HSD17B4: variants seen among roughly 807,000 people sequenced by gnomAD.
HSD17B4 encodes hydroxysteroid 17-beta dehydrogenase 4.
In HSD17B4, 70 loss-of-function variants were observed where a neutral mutation model predicts 101.0. The ratio of observed to expected loss-of-function variants is 0.69; its 90% CI spans 0.57 to 0.85. The LOEUF (loss-of-function observed/expected upper bound fraction) is 0.85, where lower values mean the gene tolerates loss of function less well. Ranked by LOEUF, HSD17B4 falls within the 40% of genes least tolerant of loss-of-function variation. The pLI is 0.00. For missense variants in HSD17B4, 984 were observed against 892.4 expected, an observed-to-expected ratio of 1.10 and a Z score of -1.31; for synonymous variants, 347 against 297.1, an observed-to-expected ratio of 1.17 and a Z score of -1.73.
In HSD17B4 at chr5:119,481,259, G is replaced by T. The variant is rs1450159401; in HGVS notation, c.622+2238G>T. On this transcript the variant is annotated intron_variant, in intron 8 of 23. Transcript: ENST00000510025. Reference sequence around the variant, plus strand: ...AAGAAATTACAAAAGTATTAATTTGGGGAACTAATAAATGTCCATAAAATC... The same window carrying T: ...AAGAAATTACAAAAGTATTAATTTGTGGAACTAATAAATGTCCATAAAATC... Among the ~76,000 whole-genome samples the T allele has an allele frequency of 3.3e-5, 5 of 152,212 alleles. 1 individual carries two copies. The highest frequency in any genetic ancestry group is 5.9e-5 in the Non-Finnish European group (4 of 67,992).
At chr5:119,461,995 G>A (rs954834423) in intron 2 of HSD17B4, among the ~76,000 whole-genome samples, 3 of 151,970 alleles carry the variant, frequency 2.0e-5, no homozygotes, top group African/African-American at 4.8e-5. Flanking sequence ...TAGACTGTCC[G>A]AGTCACTGAT....
intron 2 of HSD17B4, among the ~76,000 whole-genome samples, chr5:119,465,418 CCTT>C (rs1035708476): frequency 2.0e-5 from 3 of 152,128 alleles, no homozygotes; most frequent in Admixed American, 6.5e-5. Context: ...TCTGGGACCT[CCTT>C]CTCTCTCTTG....
chr5:119,502,201 T>C (rs1751234867), intron 14 of HSD17B4, 109 bp downstream of exon 14: 1 of 765,340 alleles, frequency 1.3e-6, no homozygotes, highest in Non-Finnish European at 2.3e-6. Flanking sequence ...ATGAAACATA[T>C]CACAAATTGT....
At position 119,473,882 on chromosome 5, in the gene HSD17B4, G is replaced by A. The variant is rs774628219; in HGVS notation, c.113-26G>A. The A allele has an allele frequency of 1.0e-5, 13 of 1,276,620 alleles. No individual in the cohort carries two copies. In the South Asian group the frequency reaches 1.1e-4, roughly 11 times the overall value. 79.1% of individuals were successfully genotyped at this position (1,276,620 alleles called of 1,614,324 possible). A position where few individuals can be genotyped will look rare whatever the true frequency, so the allele number is the denominator to read the frequency against. ...TTTTGAAAGTCTAGAATAATTAATT[G>A]TTGTTTGCTTGTTTTTGCATTACAG... On this transcript the variant is annotated intron_variant, in intron 2 of 23. Coordinates refer to ENST00000510025, the MANE Select transcript of HSD17B4 (RefSeq NM_000414.4).
At chr5:119,534,933 CTG>C (rs901455009) in intron 22 of HSD17B4, among the ~76,000 whole-genome samples, 50 of 151,498 alleles carry the variant, frequency 3.3e-4, no homozygotes, top group Middle Eastern at 3.4e-3. Flanking sequence ...TCCATCTTCT[CTG>C]TGTTATTCAT....
At chr5:119,501,100 A>G (rs1434393536) in intron 13 of HSD17B4, among the ~76,000 whole-genome samples, 5 of 152,152 alleles carry the variant, frequency 3.3e-5, no homozygotes, top group Non-Finnish European at 7.4e-5. Context: ...TCACACTCCC[A>G]TGGTTAGTTA....
intron 10 of HSD17B4, 159 bp from the exon 11 acceptor site, chr5:119,493,659 G>T (rs767505102): frequency 1.8e-5 from 12 of 673,956 alleles, no homozygotes; most frequent in Non-Finnish European, 2.7e-5. Context: ...GGGTTTGTTG[G>T]GAAAAATTCA....
Position 119,525,229 on chromosome 5 carries a change from G to A in HSD17B4, c.1517G>A (p.Arg506His), listed in dbSNP as rs1554068136. Residue 506 changes from arginine to histidine, a missense_variant, in exon 18 of 24, where the codon CGC becomes CAC. Physicochemically the swap from Arg to His is conservative, Grantham distance 29. Coordinates refer to ENST00000510025, the MANE Select transcript of HSD17B4 (RefSeq NM_000414.4). ...TTSLNQAALY[R>H]LSGDWNPLHI... ...CTTTCTCCACAGGCTGCTTTGTACC[G>A]CCTCAGTGGAGACTGGAATCCCTTA... 4 of 1,611,452 alleles carry A rather than the reference G, an allele frequency of 2.5e-6. No individual in the cohort carries two copies. The highest frequency in any genetic ancestry group is 1.3e-5 in the African/African-American group (1 of 74,880).
chr5:119,520,439 G>A (rs558925100), intron 17 of HSD17B4, among the ~76,000 whole-genome samples: 76 of 152,106 alleles, frequency 5.0e-4, no homozygotes, highest in Non-Finnish European at 9.3e-4. Context: ...TTATTTTTCT[G>A]TGTAACTTCC....
chr5:119,497,764 A>G (rs1750778840), intron 12 of HSD17B4, among the ~76,000 whole-genome samples: 1 of 152,234 alleles, frequency 6.6e-6, no homozygotes, highest in Non-Finnish European at 1.5e-5. Context: ...TAAAATATGT[A>G]CTAAATATTG....
At chr5:119,468,272 C>T (rs951340768) in intron 2 of HSD17B4, among the ~76,000 whole-genome samples, 1 of 152,072 alleles carries the variant, frequency 6.6e-6, no homozygotes, top group African/African-American at 2.4e-5. Context: ...TGTAGGACTC[C>T]CATAAGCATT....
intron 12 of HSD17B4, among the ~76,000 whole-genome samples, chr5:119,497,594 T>C (rs754153593): frequency 6.6e-6 from 1 of 152,218 alleles, no homozygotes; most frequent in Non-Finnish European, 1.5e-5. Flanking sequence ...TTTACCCCTT[T>C]ACCTAATGCC....
At chr5:119,480,205 T>G (rs1324162154) in intron 8 of HSD17B4, among the ~76,000 whole-genome samples, 1 of 152,210 alleles carries the variant, frequency 6.6e-6, no homozygotes, top group African/African-American at 2.4e-5. Flanking sequence ...TCTTGAATTT[T>G]AAGGGTTCTT....
At chr5:119,455,694 C>G (rs1308492199) in intron 1 of HSD17B4, among the ~76,000 whole-genome samples, 1 of 151,968 alleles carries the variant, frequency 6.6e-6, no homozygotes, top group Non-Finnish European at 1.5e-5. Flanking sequence ...ACAGAAACCA[C>G]TAGATATTTT....
In HSD17B4 at chr5:119,452,513, T is replaced by G. The variant is rs1051732243; in HGVS notation, c.-63T>G. The G allele has an allele frequency of 1.9e-6, 3 of 1,612,664 alleles. No homozygotes were observed. Among genetic ancestry groups the G allele is most frequent in the Non-Finnish European group, 2.5e-6 (3 of 1,179,718 alleles). On this transcript the variant is annotated 5_prime_UTR_variant, in exon 1 of 24. Transcript: ENST00000510025. ...GCCCCCGCCATTCCCCGCCTCCTCC[T>G]GTCCCGCAGTCGGCGTCCAGCGGCT...
intron 17 of HSD17B4, among the ~76,000 whole-genome samples, chr5:119,519,532 C>G (rs1407290242): frequency 1.3e-5 from 2 of 152,192 alleles, no homozygotes; most frequent in Non-Finnish European, 2.9e-5. Context: ...ATCATGGATG[C>G]TAGTTGGACC....
chr5:119,530,859 A>AC (rs1260568011), intron 21 of HSD17B4, among the ~76,000 whole-genome samples: 2 of 134,304 alleles, frequency 1.5e-5, no homozygotes, highest in Non-Finnish European at 3.1e-5. Flanking sequence ...AAAAAAAAAA[A>AC]AAAACAAAAA....
intron 1 of HSD17B4, among the ~76,000 whole-genome samples, chr5:119,454,764 G>C (rs1035191276): frequency 6.6e-6 from 1 of 151,986 alleles, no homozygotes; most frequent in Non-Finnish European, 1.5e-5. Flanking sequence ...TGGGGGTACA[G>C]GTGCACACCA....
intron 11 of HSD17B4, chr5:119,495,728 T>A: frequency 5.3e-6 from 1 of 187,390 alleles, no homozygotes; most frequent in Middle Eastern, 2.2e-3. Flanking sequence ...TGGAGTATGG[T>A]GGCATGATCT....
Sources: gnomAD v4.1 joint callset for allele counts (sites outside exome capture counted in the v4.1 genomes callset) on GRCh38, gnomAD v4.1.1 for gene constraint, MANE v1.5 for transcripts, NCBI Gene and HGNC (gene_info 2026-07-23, HGNC 2026-07-21) for gene names.